SPG11: variants seen among roughly 807,000 people sequenced by gnomAD.
The protein encoded by SPG11 is spatacsin.
Under a neutral mutation model 274.0 loss-of-function variants are expected in SPG11, and 222 were observed. The observed-to-expected ratio is 0.81, with a 90% CI of 0.73 to 0.91. SPG11 has a LOEUF of 0.91. SPG11 is among the 40% of genes least tolerant of loss of function. The probability of loss-of-function intolerance (pLI) is 0.00; values close to 1 mark genes in which losing one functional copy is unlikely to be tolerated. For synonymous variants in SPG11, 1,144 were observed against 1,039.7 expected, an observed-to-expected ratio of 1.10 and a Z score of -1.93; for missense variants, 3,114 against 2,872.7, an observed-to-expected ratio of 1.08 and a Z score of -1.92.
At chr15:44,589,180 C>A in intron 28 of SPG11, 72 bp downstream of exon 28, 1 of 1,500,378 alleles carries the variant, frequency 6.7e-7, no homozygotes, top group Non-Finnish European at 9.2e-7. Flanking sequence ...TTCCTAACTA[C>A]CCCTCTAAAG....
intron 2 of SPG11, 99 bp downstream of exon 2, chr15:44,660,333 G>T: frequency 9.4e-7 from 1 of 1,061,476 alleles, no homozygotes; most frequent in Non-Finnish European, 1.4e-6. Context: ...ATCAGACAGC[G>T]TAGACCTGAT....
intron 30 of SPG11, chr15:44,575,337 C>A: frequency 2.8e-6 from 1 of 360,876 alleles, no homozygotes; most frequent in Non-Finnish European, 5.3e-6. Flanking sequence ...TATATGTCCT[C>A]CCTCCTGTAT....
intron 20 of SPG11, among the ~76,000 whole-genome samples, chr15:44,601,406 G>A (rs2083185079): frequency 6.6e-6 from 1 of 151,912 alleles, no homozygotes; most frequent in African/African-American, 2.4e-5. Context: ...GACCACAGGT[G>A]CATGCCACCA....
At chr15:44,574,873 A>G in intron 31 of SPG11, 29 bp downstream of exon 31, 3 of 1,612,980 alleles carry the variant, frequency 1.9e-6, no homozygotes, top group Non-Finnish European at 2.5e-6. Flanking sequence ...TCCCTCTCAG[A>G]AAGAGGAGCC....
chr15:44,589,689 A>G (rs929493884), intron 27 of SPG11, among the ~76,000 whole-genome samples: 5 of 152,252 alleles, frequency 3.3e-5, no homozygotes, highest in African/African-American at 9.6e-5. Context: ...CAAGAGTCCT[A>G]AAGACTGAAT....
chr15:44,652,845 G>T (rs938054845), intron 4 of SPG11, among the ~76,000 whole-genome samples: 16 of 152,014 alleles, frequency 1.1e-4, no homozygotes, highest in African/African-American at 3.9e-4. Flanking sequence ...AGTAGAGACA[G>T]GGTTTTACTA....
intron 33 of SPG11, among the ~76,000 whole-genome samples, chr15:44,571,473 C>G (rs943546505): frequency 4.7e-5 from 7 of 150,320 alleles, no homozygotes; most frequent in African/African-American, 1.5e-4. Context: ...ATAGAGAAGG[C>G]TATTTTTATT....
At chr15:44,638,579 T>G (rs545980536) in intron 7 of SPG11, among the ~76,000 whole-genome samples, 1 of 148,492 alleles carries the variant, frequency 6.7e-6, no homozygotes, top group Non-Finnish European at 1.5e-5. Context: ...TTTCCTAGGA[T>G]AGCTTCTTAA....
Position 44,567,568 on chromosome 15 carries a change from G to C in SPG11, c.6610C>G (p.Leu2204Val). 3.1e-6 allele frequency: 5 copies of C among 1,614,040 alleles called. No individual in the cohort carries two copies. Among genetic ancestry groups the C allele is most frequent in the Non-Finnish European group, 4.2e-6 (5 of 1,179,978 alleles). ...GGACGGCAGCGTTTGATGTAGTCCA[G>C]CAGGGCTGTTTTCAGGGTACCACTC... is the stretch of plus-strand genomic sequence containing the variant. ...DPSGTLKTAL[L>V]DYIKRCRPGD... The change falls in exon 36 of 40, where the codon CTG (leucine) becomes GTG (valine). Residue 2204 changes from leucine to valine, a missense_variant. Leu to Val is a conservative substitution (Grantham distance 32, BLOSUM62 1). Coordinates refer to ENST00000261866, the MANE Select transcript of SPG11 (RefSeq NM_025137.4).
intron 20 of SPG11, among the ~76,000 whole-genome samples, chr15:44,605,538 T>C (rs1219855571): frequency 6.6e-6 from 1 of 152,188 alleles, no homozygotes. Context: ...ATGGTCTTTA[T>C]AGGACATCAC....
rs753479999 is a variant in SPG11, at chr15:44,620,338, T to C, written c.2686A>G (p.Ile896Val). The C allele has an allele frequency of 6.2e-7, 1 of 1,614,128 alleles. No homozygotes were observed. Among genetic ancestry groups the C allele is most frequent in the Admixed American group, 1.7e-5 (1 of 60,012 alleles). ...TGAAATTCTCCAATCCATAAGATAA[T>C]GTTTAACCAATCATGGCGAGCTGTG... Reference protein sequence around the residue: ...YLTARHDWLNIILWIGEFQTQ... With the variant: ...YLTARHDWLNVILWIGEFQTQ... The change falls in exon 15 of 40, where the codon ATT becomes GTT. Residue 896 changes from isoleucine to valine, a missense_variant. Coordinates refer to ENST00000261866, the MANE Select transcript of SPG11 (RefSeq NM_025137.4).
intron 36 of SPG11, among the ~76,000 whole-genome samples, chr15:44,566,827 G>A (rs1595818536): frequency 2.6e-5 from 4 of 152,048 alleles, no homozygotes; most frequent in Admixed American, 2.6e-4. Context: ...AGCCTCCCAA[G>A]TAGTTGGGAT....
rs2083714957 is a variant in SPG11 at position 44,620,531 on chromosome 15, G to A, written c.2621-128C>T. The A allele has an allele frequency of 5.4e-6, 4 of 745,248 alleles. No homozygotes were observed. The South Asian group carries it at 7.8e-5, about 14-fold the overall frequency. 46.2% of individuals were successfully genotyped at this position (745,248 alleles called of 1,614,324 possible). On this transcript the variant is annotated intron_variant, in intron 14 of 39. Transcript: ENST00000261866. ...TTTATACAATATATTAATTATTCAG[G>A]TCCTCTGTTTTACTATTTTCCTTTT...
rs376160851 is a variant in SPG11 at position 44,575,697 on chromosome 15, G to C, written c.5867-656C>G. 7.7e-4 allele frequency among the ~76,000 whole-genome samples: 117 copies of C among 152,076 alleles called. 1 individual carries two copies. The highest frequency in any genetic ancestry group is 2.7e-3 in the African/African-American group (111 of 41,512). ...TTTAGTTGAGATGAAGTTTTGCCAT[G>C]TTGATCAGGCTGGTCTCAAACTCCT... is the stretch of plus-strand genomic sequence containing the variant. On this transcript the variant is annotated intron_variant, in intron 30 of 39. Coordinates refer to ENST00000261866, the MANE Select transcript of SPG11 (RefSeq NM_025137.4).
Position 44,562,934 on chromosome 15 carries a change from C to CAATCT in SPG11, c.*182_*186dup, listed in dbSNP as rs2082222119. 6 of 592,686 alleles carry CAATCT rather than the reference C, an allele frequency of 1.0e-5. No homozygotes were observed. The highest frequency in any genetic ancestry group is 1.8e-5 in the Non-Finnish European group (6 of 335,208). The allele number at this position is 592,686 out of a possible 1,614,324, so 36.7% of individuals were successfully genotyped here. On this transcript the variant is annotated 3_prime_UTR_variant, in exon 40 of 40. Coordinates refer to ENST00000261866, the MANE Select transcript of SPG11 (RefSeq NM_025137.4). The stretch of plus-strand genomic sequence containing the variant: ...GTGTGGATGAACAATCATCTAAAAT[C>CAATCT]AATCTATTTTAAATAGGAATTTCCT...
chr15:44,629,177 T>A (rs1202108934), intron 9 of SPG11, 56 bp downstream of exon 9: 1 of 1,579,308 alleles, frequency 6.3e-7, no homozygotes, highest in African/African-American at 1.3e-5. Context: ...GCAGCACTTG[T>A]ATCTGTTCTG....
chr15:44,606,276 T>A (rs891323850), intron 19 of SPG11, 185 bp from the exon 20 acceptor site: 5 of 552,228 alleles, frequency 9.1e-6, no homozygotes, highest in Non-Finnish European at 1.3e-5. Flanking sequence ...TATCTTTATA[T>A]CTTAATTAAA....
intron 26 of SPG11, among the ~76,000 whole-genome samples, chr15:44,594,969 A>C (rs1194466005): frequency 2.0e-5 from 3 of 152,084 alleles, no homozygotes; most frequent in Non-Finnish European, 4.4e-5. Context: ...GGCCCACGCC[A>C]CCATGCCTGG....
At chr15:44,662,532 G>GT (rs1433437068) in intron 1 of SPG11, among the ~76,000 whole-genome samples, 1 of 151,756 alleles carries the variant, frequency 6.6e-6, no homozygotes, top group African/African-American at 2.4e-5. Flanking sequence ...GCCAGGCCTG[G>GT]TGGTGCACGC....
Sources: gnomAD v4.1 joint callset for allele counts (sites outside exome capture counted in the v4.1 genomes callset) on GRCh38, gnomAD v4.1.1 for gene constraint, MANE v1.5 for transcripts, NCBI Gene and HGNC (gene_info 2026-07-23, HGNC 2026-07-21) for gene names.